Variants in ABLIM1 observed in about 807,000 individuals in gnomAD.
The protein encoded by ABLIM1 is actin binding LIM protein 1, also known as actin-binding LIM protein 1.
Under a neutral mutation model 107.0 loss-of-function variants are expected in ABLIM1, and 40 were observed. The ratio of observed to expected loss-of-function variants is 0.37; its 90% confidence interval spans 0.29 to 0.49. The LOEUF is 0.49. Ranked by LOEUF, ABLIM1 falls within the 20% of genes least tolerant of loss-of-function variation. The pLI is 0.97. For missense variants in ABLIM1, 857 were observed against 1,008.5 expected, an observed-to-expected ratio of 0.85 and a Z score of 2.04; for synonymous variants, 357 against 357.3, an observed-to-expected ratio of 1.00 and a Z score of 0.01.
chr10:114,680,497 T>C lies in ABLIM1; in HGVS notation c.64+3793A>G, dbSNP rs185083915. On this transcript the variant is annotated intron_variant, in intron 1 of 23. Coordinates refer to the ABLIM1 transcript ENST00000369256. ...TTTGAAATTTACCAAAGAACAATCA[T>C]GTTAGCAAGGGGAAAATAAATCCCC... is the stretch of plus-strand genomic sequence containing the variant. 5.9e-5 allele frequency among the ~76,000 whole-genome samples: 9 copies of C among 152,370 alleles called. No individual in the cohort carries two copies. The East Asian group carries it at 1.5e-3, about 26-fold the overall frequency.
chr10:114,508,712 A>T (rs993459112), intron 6 of ABLIM1, among the ~76,000 whole-genome samples: 5 of 152,224 alleles, frequency 3.3e-5, no homozygotes, highest in African/African-American at 7.2e-5. Context: ...AAATATTTTT[A>T]AAAATAAGAA....
upstream of ABLIM1, among the ~76,000 whole-genome samples, chr10:114,661,414 A>T (rs1475247350): frequency 2.0e-5 from 3 of 152,196 alleles, no homozygotes; most frequent in African/African-American, 7.2e-5. Context: ...ACATGGCTCC[A>T]GTTAAATACC....
Position 114,626,375 on chromosome 10 carries a change from C to T in ABLIM1, c.245-24414G>A, listed in dbSNP as rs534159462. Among the ~76,000 whole-genome samples, 11 of 152,288 alleles carry T rather than the reference C, an allele frequency of 7.2e-5. No homozygotes were observed. The South Asian group carries it at 2.3e-3, about 32-fold the overall frequency. On this transcript the variant is annotated intron_variant, in intron 1 of 22. Transcript: ENST00000533213. ...TGTTATTCCAAAGGGAAAGCAAGGC[C>T]TGTTTCTAATGTTATCTTCCTTAAG... is the stretch of plus-strand genomic sequence containing the variant.
intron 6 of ABLIM1, among the ~76,000 whole-genome samples, chr10:114,500,023 C>T (rs1308615054): frequency 6.6e-6 from 1 of 152,158 alleles, no homozygotes; most frequent in Admixed American, 6.5e-5. Context: ...AAATATGTAT[C>T]CTGGGCAAAG....
chr10:114,740,236 C>A (rs1410070194), intron 1 of ABLIM1, among the ~76,000 whole-genome samples: 1 of 151,734 alleles, frequency 6.6e-6, no homozygotes, highest in African/African-American at 2.4e-5. Flanking sequence ...TTAAGAGGAC[C>A]CATATTTGTT....
intron 12 of ABLIM1, among the ~76,000 whole-genome samples, chr10:114,457,133 T>C (rs2062979335): frequency 6.6e-6 from 1 of 152,172 alleles, no homozygotes; most frequent in African/African-American, 2.4e-5. Context: ...ATACATAATG[T>C]TGCTAGGTAC....
chr10:114,644,212 C>T (rs568491127), intron 1 of ABLIM1, among the ~76,000 whole-genome samples: 2 of 123,932 alleles, frequency 1.6e-5, no homozygotes, highest in East Asian at 2.7e-4. Flanking sequence ...ACCCGGGAGG[C>T]GGAGCTTGCA....
intron 2 of ABLIM1, among the ~76,000 whole-genome samples, chr10:114,577,405 T>C (rs2072734987): frequency 6.6e-6 from 1 of 152,162 alleles, no homozygotes; most frequent in Non-Finnish European, 1.5e-5. Context: ...ATTCCCTAAA[T>C]TCTCTCCTCC....
rs1303905982 is a variant in ABLIM1, at chr10:114,707,709, G to A, written c.-213+60352C>T. ...AAGGCCAGGAGTTCGAGACCAACCT[G>A]GACAACATGGTGAAAACACGGTCTC... On this transcript the variant is annotated intron_variant, in intron 1 of 15. Coordinates refer to the ABLIM1 transcript ENST00000651092. The surrounding 1 kb of genome is among the most constrained non-coding windows in gnomAD (Gnocchi z 4.1). 1.3e-5 allele frequency among the ~76,000 whole-genome samples: 2 copies of A among 152,016 alleles called. No homozygotes were observed. The highest frequency in any genetic ancestry group is 2.9e-5 in the Non-Finnish European group (2 of 68,026).
At chr10:114,768,015 C>T in intron 1 of ABLIM1, 1 of 426,378 alleles carries the variant, frequency 2.3e-6, no homozygotes. Flanking sequence ...CGCACCTGTT[C>T]GGCCCGCCGG....
chr10:114,443,054 G>C (rs557668149), intron 17 of ABLIM1, among the ~76,000 whole-genome samples: 27 of 152,052 alleles, frequency 1.8e-4, no homozygotes, highest in African/African-American at 5.8e-4. Flanking sequence ...TAGCCAGGAT[G>C]GTCTCGATCT....
chr10:114,569,477 G>A (rs1298260293), intron 4 of ABLIM1, among the ~76,000 whole-genome samples: 3 of 151,834 alleles, frequency 2.0e-5, no homozygotes, highest in African/African-American at 4.8e-5. Flanking sequence ...CCGCCACCAC[G>A]CTCGGCTAAT....
At chr10:114,526,884 C>T (rs56729718) in intron 6 of ABLIM1, 2 of 985,388 alleles carry the variant, frequency 2.0e-6, no homozygotes, top group African/African-American at 3.5e-5. Flanking sequence ...AAACCAGCCC[C>T]GTGTGCGGCG....
intron 6 of ABLIM1, among the ~76,000 whole-genome samples, chr10:114,533,661 T>TG (rs1457011148): frequency 1.4e-3 from 212 of 151,564 alleles, no homozygotes; most frequent in South Asian, 5.6e-3. Context: ...ATTATCGTGT[T>TG]TTTGTTGTTG....
At chr10:114,728,312 A>C (rs1200319421) in intron 1 of ABLIM1, among the ~76,000 whole-genome samples, 1 of 152,174 alleles carries the variant, frequency 6.6e-6, no homozygotes, top group Non-Finnish European at 1.5e-5. Flanking sequence ...GGAAAATTTT[A>C]ATATCTAATA....
intron 1 of ABLIM1, among the ~76,000 whole-genome samples, chr10:114,633,330 C>G (rs1237911019): frequency 6.6e-6 from 1 of 152,064 alleles, no homozygotes; most frequent in Non-Finnish European, 1.5e-5. Flanking sequence ...GGGAAAAATG[C>G]CCATTTCTTC....
At chr10:114,497,286 CTGAGCCTG>C (rs1472732248) in intron 6 of ABLIM1, among the ~76,000 whole-genome samples, 3 of 152,224 alleles carry the variant, frequency 2.0e-5, no homozygotes, top group African/African-American at 7.2e-5. Flanking sequence ...GCCGTCCTGC[CTGAGCCTG>C]AGTGGCCAGC....
Position 114,558,902 on chromosome 10 carries a change from A to AGTGTGTGTGTGTGTGTGTGTGTGTGT in ABLIM1, c.674-11127_674-11126insACACACACACACACACACACACACAC, listed in dbSNP as rs377352513. Reference sequence around the variant, plus strand: ...GTTTCAGGTCCTGTCAGGGAGAACTAGTGTGTGTGTCTGTGTGTGTGTGTG... The same window carrying AGTGTGTGTGTGTGTGTGTGTGTGTGT: ...GTTTCAGGTCCTGTCAGGGAGAACTAGTGTGTGTGTGTGTGTGTGTGTGTGTGTGTGTGTGTCTGTGTGTGTGTGTG... On this transcript the variant is annotated intron_variant, in intron 4 of 22. Transcript: ENST00000533213. Among the ~76,000 whole-genome samples the AGTGTGTGTGTGTGTGTGTGTGTGTGT allele has an allele frequency of 3.2e-4, 48 of 148,704 alleles. 2 individuals carry two copies. Among genetic ancestry groups the AGTGTGTGTGTGTGTGTGTGTGTGTGT allele is most frequent in the African/African-American group, 9.5e-4 (37 of 39,128 alleles).
intron 1 of ABLIM1, among the ~76,000 whole-genome samples, chr10:114,705,813 A>C (rs1162217452): frequency 6.6e-6 from 1 of 152,230 alleles, no homozygotes; most frequent in African/African-American, 2.4e-5. Context: ...ATAACAAAAA[A>C]TTTGAAATTT....
Sources: allele counts gnomAD v4.1 joint callset (sites outside exome capture counted in the v4.1 genomes callset), GRCh38; gene constraint gnomAD v4.1.1; non-coding constraint Gnocchi (gnomAD v3.1); transcripts MANE v1.5; gene names NCBI Gene and HGNC (gene_info 2026-07-23, HGNC 2026-07-21).